The following OR2Z1 variants were observed in gnomAD, a reference collection of about 807,000 sequenced individuals.
OR2Z1 encodes olfactory receptor 2Z1.
For missense variants in OR2Z1, 449 were observed against 401.8 expected (o/e 1.12, Z -1.00); for synonymous variants, 188 against 160.6 (o/e 1.17, Z -1.29).
rs1432693635 is a variant in OR2Z1 at position 8,731,420 on chromosome 19, A to T, written c.392A>T (p.Gln131Leu). ...TATGTTGCTGTGTGCCAGCCCCTGC[A>T]GTATCCTGTACTTATGAGACGCCAG... ...DRYVAVCQPL[Q>L]YPVLMRRQVC... Residue 131 changes from glutamine to leucine, a missense_variant, in exon 3 of 3, where the codon CAG becomes CTG. Gln to Leu is a moderately radical substitution (Grantham distance 113). Coordinates refer to ENST00000641125, the MANE Select transcript of OR2Z1 (RefSeq NM_001004699.3). The T allele has an allele frequency of 1.9e-6, 3 of 1,613,914 alleles. No individual in the cohort carries two copies. The Admixed American group carries it at 5.0e-5, about 27-fold the overall frequency.
chr19:8,725,922 T>A (rs1007804328), intron 2 of OR2Z1, among the ~76,000 whole-genome samples: 1 of 152,162 alleles, frequency 6.6e-6, no homozygotes, highest in Admixed American at 6.5e-5. Context: ...GAGAAGCAGA[T>A]GTCTTACATG....
In OR2Z1 at chr19:8,731,850, T is replaced by C; in HGVS notation, c.822T>C (p.Val274=). Residue 274 remains valine, a synonymous_variant, in exon 3 of 3, where the codon GTT becomes GTC. Transcript: ENST00000641125. ...AYHSPQQDNV[V]SLFYSLVTPT... is the part of the protein sequence containing the mutation. ...ACAGTCCACAGCAGGATAACGTGGTTTCCCTCTTCTATAGCCTTGTCACCC... is the reference window on the plus strand; with the variant it reads ...ACAGTCCACAGCAGGATAACGTGGTCTCCCTCTTCTATAGCCTTGTCACCC... 1 of 1,614,198 alleles carries C rather than the reference T, an allele frequency of 6.2e-7. No homozygotes were observed. The highest frequency in any genetic ancestry group is 8.5e-7 in the Non-Finnish European group (1 of 1,180,020).
At chr19:8,725,112 A>G (rs2043322257) in intron 2 of OR2Z1, among the ~76,000 whole-genome samples, 1 of 152,150 alleles carries the variant, frequency 6.6e-6, no homozygotes, top group Admixed American at 6.6e-5. Context: ...ATCATCATGC[A>G]TGTATTTTTA....
At position 8,731,697 on chromosome 19, in the gene OR2Z1, G is replaced by A; in HGVS notation, c.669G>A (p.Gln223=). 6.2e-7 allele frequency: 1 copy of A among 1,614,104 alleles called. No homozygotes were observed. Among genetic ancestry groups the A allele is most frequent in the Non-Finnish European group, 8.5e-7 (1 of 1,180,024 alleles). ...LIATSYGHVL[Q]AVLSMRSEEA... ...CCACCTCCTACGGCCACGTGTTGCA[G>A]GCTGTTCTAAGCATGCGCTCAGAGG... Residue 223 remains glutamine (Q), a synonymous_variant, in exon 3 of 3, where the codon CAG becomes CAA. Coordinates refer to ENST00000641125, the MANE Select transcript of OR2Z1 (RefSeq NM_001004699.3).
At chr19:8,730,630 G>A (rs1452879692) in intron 2 of OR2Z1, among the ~76,000 whole-genome samples, 4 of 152,116 alleles carry the variant, frequency 2.6e-5, no homozygotes, top group Non-Finnish European at 4.4e-5. Flanking sequence ...ATATTGGTCA[G>A]GCTGGTCTCG....
At chr19:8,730,161 GATTT>G (rs2043345737) in intron 2 of OR2Z1, among the ~76,000 whole-genome samples, 1 of 152,208 alleles carries the variant, frequency 6.6e-6, no homozygotes. Context: ...TTGGTAGAAT[GATTT>G]ATTTTCCTTG....
intron 2 of OR2Z1, chr19:8,729,232 T>A (rs2043340547): frequency 1.5e-6 from 1 of 651,922 alleles, no homozygotes. Flanking sequence ...ATAGGTAGTT[T>A]TTTAACCCTT....
intron 2 of OR2Z1, chr19:8,728,945 G>A (rs2043338991): frequency 1.5e-6 from 1 of 676,954 alleles, no homozygotes; most frequent in East Asian, 3.1e-5. Context: ...CTATCTTCTT[G>A]ATGGTGGACT....
chr19:8,726,547 T>G (rs149865616), intron 2 of OR2Z1, among the ~76,000 whole-genome samples: 6 of 152,256 alleles, frequency 3.9e-5, no homozygotes, highest in Non-Finnish European at 7.3e-5. Flanking sequence ...ACTTCACCCC[T>G]GCACTTCCCC....
At position 8,731,695 on chromosome 19, in the gene OR2Z1, C is replaced by A; in HGVS notation, c.667C>A (p.Gln223Lys). Reference protein sequence around the residue: ...LIATSYGHVLQAVLSMRSEEA... With the variant: ...LIATSYGHVLKAVLSMRSEEA... ...CGCCACCTCCTACGGCCACGTGTTG[C>A]AGGCTGTTCTAAGCATGCGCTCAGA... Residue 223 changes from glutamine (Q) to lysine (K), a missense_variant, in exon 3 of 3, where the codon CAG becomes AAG. Gln to Lys is a moderately conservative substitution (Grantham distance 53). Transcript: ENST00000641125. 1 of 1,614,198 alleles carries A rather than the reference C, an allele frequency of 6.2e-7. No individual in the cohort carries two copies. The highest frequency in any genetic ancestry group is 8.5e-7 in the Non-Finnish European group (1 of 1,180,040).
chr19:8,724,379 G>A (rs1420743847), intron 2 of OR2Z1, among the ~76,000 whole-genome samples: 1 of 152,032 alleles, frequency 6.6e-6, no homozygotes, highest in Non-Finnish European at 1.5e-5. Context: ...GGGACTATAA[G>A]CATGTGCCAC....
intron 1 of OR2Z1, among the ~76,000 whole-genome samples, chr19:8,722,284 G>T (rs1407102975): frequency 6.6e-6 from 1 of 151,166 alleles, no homozygotes; most frequent in Non-Finnish European, 1.5e-5. Context: ...GAGAATGTGA[G>T]AATTTAATAA....
chr19:8,732,071 C>A lies in OR2Z1; in HGVS notation c.*98C>A. 2 of 925,978 alleles carry A rather than the reference C, an allele frequency of 2.2e-6. No homozygotes were observed. Among genetic ancestry groups the A allele is most frequent in the South Asian group, 1.6e-5 (1 of 60,676 alleles). 57.4% of individuals were successfully genotyped at this position (925,978 alleles called of 1,614,324 possible). Reference sequence around the variant, plus strand: ...TTCAATTGCCAATTTGTGCAACTGGCCAAATATCCAGCCATTGCCCAAGGT... The same window carrying A: ...TTCAATTGCCAATTTGTGCAACTGGACAAATATCCAGCCATTGCCCAAGGT... On this transcript the variant is annotated 3_prime_UTR_variant, in exon 3 of 3. Coordinates refer to ENST00000641125, the MANE Select transcript of OR2Z1 (RefSeq NM_001004699.3).
intron 2 of OR2Z1, among the ~76,000 whole-genome samples, chr19:8,723,709 A>G (rs1167753593): frequency 2.6e-5 from 4 of 151,874 alleles, no homozygotes; most frequent in African/African-American, 9.7e-5. Flanking sequence ...TCTAGACCCA[A>G]ATGTCAACCT....
rs782266389 is a variant in OR2Z1, at chr19:8,731,817, C to A, written c.789C>A (p.Cys263Ter). The change falls in exon 3 of 3, where the codon TGC becomes TGA. Residue 263 changes from cysteine to a stop codon, truncating the protein, a stop_gained. Coordinates refer to ENST00000641125, the MANE Select transcript of OR2Z1 (RefSeq NM_001004699.3). LOFTEE classifies it low-confidence loss of function (END_TRUNC). Reference sequence around the variant, plus strand: ...CCGTGTTCATGTACATGGTGCCTTGCGCCTACCACAGTCCACAGCAGGATA... The same window carrying A: ...CCGTGTTCATGTACATGGTGCCTTGAGCCTACCACAGTCCACAGCAGGATA... ...GAAVFMYMVP[C>*]AYHSPQQDNV... The A allele has an allele frequency of 1.2e-6, 2 of 1,614,094 alleles. No individual in the cohort carries two copies. The highest frequency in any genetic ancestry group is 1.7e-6 in the Non-Finnish European group (2 of 1,180,042).
At chr19:8,726,812 A>G (rs2043329494) in intron 2 of OR2Z1, among the ~76,000 whole-genome samples, 1 of 152,232 alleles carries the variant, frequency 6.6e-6, no homozygotes. Flanking sequence ...GAATAATTCC[A>G]CAGGCAGCCT....
Position 8,729,677 on chromosome 19 carries a change from G to A in OR2Z1, c.-169-1183G>A, listed in dbSNP as rs893433593. ...GCGATCTCGGCTCACTGCAACCTCCGCCTCCTGGGTTCAAGCGATTCTTCT... is the reference window on the plus strand; with the variant it reads ...GCGATCTCGGCTCACTGCAACCTCCACCTCCTGGGTTCAAGCGATTCTTCT... On this transcript the variant is annotated intron_variant, in intron 2 of 2. Coordinates refer to ENST00000641125, the MANE Select transcript of OR2Z1 (RefSeq NM_001004699.3). 9.2e-5 allele frequency among the ~76,000 whole-genome samples: 14 copies of A among 151,552 alleles called. No homozygotes were observed. In the South Asian group the frequency reaches 1.9e-3, roughly 20 times the overall value.
At position 8,731,439 on chromosome 19, in the gene OR2Z1, A is replaced by G; in HGVS notation, c.411A>G (p.Arg137=). 1 of 1,613,992 alleles carries G rather than the reference A, an allele frequency of 6.2e-7. No individual in the cohort carries two copies. The highest frequency in any genetic ancestry group is 8.5e-7 in the Non-Finnish European group (1 of 1,180,000). The change falls in exon 3 of 3, where the codon AGA becomes AGG. Residue 137 remains arginine (R), a synonymous_variant. Transcript: ENST00000641125. ...CCCTGCAGTATCCTGTACTTATGAG[A>G]CGCCAGGTATGTCTGCTGATGATGG... ...CQPLQYPVLM[R]RQVCLLMMGS...
intron 2 of OR2Z1, among the ~76,000 whole-genome samples, chr19:8,729,694 G>A (rs2043343341): frequency 1.3e-5 from 2 of 151,928 alleles, no homozygotes; most frequent in African/African-American, 4.8e-5. Flanking sequence ...GGGTTCAAGC[G>A]ATTCTTCTGC....
Sources: allele counts gnomAD v4.1 joint callset (sites outside exome capture counted in the v4.1 genomes callset), GRCh38; gene constraint gnomAD v4.1.1; transcripts MANE v1.5; gene names NCBI Gene and HGNC (gene_info 2026-07-23, HGNC 2026-07-21).